RCC1L: variants seen among roughly 807,000 people sequenced by gnomAD.
RCC1L encodes the protein RCC1-like G exchanging factor-like protein.
In RCC1L, 46 loss-of-function variants were observed where a neutral mutation model predicts 58.6. The ratio of observed to expected loss-of-function variants is 0.79; its 90% CI spans 0.62 to 1.00. The LOEUF (loss-of-function observed/expected upper bound fraction) is 1.00, where lower values mean the gene tolerates loss of function less well. RCC1L is among the 50% of genes least tolerant of loss of function. RCC1L has a pLI of 0.00. For missense variants in RCC1L, 636 were observed against 623.6 expected (o/e 1.02, Z -0.21); for synonymous variants, 281 against 262.9 (o/e 1.07, Z -0.67).
At chr7:75,039,289 T>C (rs1209506386), downstream of RCC1L, among the ~76,000 whole-genome samples, 3 of 152,258 alleles carry the variant, frequency 2.0e-5, no homozygotes, top group South Asian at 2.1e-4. Flanking sequence ...CACTGGGCAC[T>C]TGGCCTCAGA....
At chr7:75,027,792 C>T (rs1805179731) in exon 11 of RCC1L, 4 of 562,250 alleles carry the variant, frequency 7.1e-6, no homozygotes, top group South Asian at 2.0e-5. Context: ...ATCTTCTCGG[C>T]GTTCTGTGTG....
chr7:75,033,989 G>A (rs1805375983), intron 10 of RCC1L, among the ~76,000 whole-genome samples: 4 of 152,222 alleles, frequency 2.6e-5, no homozygotes, highest in African/African-American at 9.7e-5. Context: ...GGGCAGGGGA[G>A]GGAGTGTCAG....
intron 2 of RCC1L, 72 bp downstream of exon 2, chr7:75,070,568 T>C: frequency 6.4e-7 from 1 of 1,573,600 alleles, no homozygotes; most frequent in East Asian, 2.3e-5. Context: ...AGACTCTGTC[T>C]CAAAAAAAAT....
intron 5 of RCC1L, among the ~76,000 whole-genome samples, chr7:75,062,918 C>A (rs980897040): frequency 2.6e-5 from 4 of 152,150 alleles, no homozygotes; most frequent in African/African-American, 9.7e-5. Flanking sequence ...TGTGCCTCAG[C>A]CTCCTGAGTA....
chr7:75,043,969 T>C (rs1805640367), intron 10 of RCC1L, among the ~76,000 whole-genome samples: 1 of 152,184 alleles, frequency 6.6e-6, no homozygotes, highest in South Asian at 2.1e-4. Flanking sequence ...GCAGGGGCAG[T>C]GGCTGTGTCT....
At chr7:75,051,070 A>C (rs1805888077) in intron 10 of RCC1L, among the ~76,000 whole-genome samples, 1 of 151,884 alleles carries the variant, frequency 6.6e-6, no homozygotes, top group African/African-American at 2.4e-5. Context: ...ATCCAGCCTG[A>C]GTGATAAAAG....
At chr7:75,027,613 T>G (rs1170983712) in exon 11 of RCC1L, 1 of 200,270 alleles carries the variant, frequency 5.0e-6, no homozygotes, top group Non-Finnish European at 1.0e-5. Flanking sequence ...AGCATGTGTG[T>G]CGGGGCGCGC....
chr7:75,047,646 T>TTA (rs1277507537), intron 10 of RCC1L, among the ~76,000 whole-genome samples: 12,962 of 151,366 alleles, frequency 0.086, 679 homozygotes, highest in South Asian at 0.13. Flanking sequence ...ATAAATAAAA[T>TTA]TATATATATA....
chr7:75,058,836 T>G, intron 6 of RCC1L, 67 bp from the exon 7 acceptor site: 10 of 1,596,942 alleles, frequency 6.3e-6, no homozygotes, highest in Non-Finnish European at 8.6e-6. Context: ...GCAGACTTAC[T>G]ATATGCCAAG....
At chr7:75,073,332 C>A (rs1806834707) in intron 1 of RCC1L, 82 bp downstream of exon 1, 1 of 631,664 alleles carries the variant, frequency 1.6e-6, no homozygotes, top group Non-Finnish European at 2.4e-6. Flanking sequence ...GAGCCAACTT[C>A]TTGAAGAGAG....
At chr7:75,031,254 C>T (rs1413412105) in intron 10 of RCC1L, among the ~76,000 whole-genome samples, 1 of 152,112 alleles carries the variant, frequency 6.6e-6, no homozygotes, top group Non-Finnish European at 1.5e-5. Flanking sequence ...CAGGGGACTT[C>T]CTGCCCACAA....
chr7:75,039,625 G>C (rs969175738), downstream of RCC1L, among the ~76,000 whole-genome samples: 41 of 152,216 alleles, frequency 2.7e-4, no homozygotes, highest in East Asian at 1.9e-3. Flanking sequence ...GAGGGAGATG[G>C]GGGGGAGGCC....
Position 75,042,872 on chromosome 7 carries a change from G to C in RCC1L, c.*160C>G. On this transcript the variant is annotated 3_prime_UTR_variant, in exon 11 of 11. Coordinates refer to ENST00000610322, the MANE Select transcript of RCC1L (RefSeq NM_030798.5). ...AGAGGGACCTTGCCCTGATCCTCCT[G>C]GTAGGTACCCGCTAAGGGATTCAGG... 1 of 1,471,476 alleles carries C rather than the reference G, an allele frequency of 6.8e-7. No homozygotes were observed. Among genetic ancestry groups the C allele is most frequent in the Non-Finnish European group, 9.0e-7 (1 of 1,105,266 alleles). 91.2% of individuals were successfully genotyped at this position (1,471,476 alleles called of 1,614,324 possible).
chr7:75,049,281 C>T (rs1439609373), intron 10 of RCC1L, among the ~76,000 whole-genome samples: 7 of 149,576 alleles, frequency 4.7e-5, no homozygotes, highest in African/African-American at 1.0e-4. Context: ...GGTGGGAAGA[C>T]CACTTGAGGC....
At chr7:75,072,973 C>T (rs1337243977) in intron 1 of RCC1L, among the ~76,000 whole-genome samples, 2 of 152,230 alleles carry the variant, frequency 1.3e-5, no homozygotes, top group Non-Finnish European at 2.9e-5. Context: ...AATCCCCTTT[C>T]TGAGTTGTTC....
At chr7:75,057,475 C>G (rs1806117589) in intron 8 of RCC1L, 54 bp downstream of exon 8, 2 of 1,574,838 alleles carry the variant, frequency 1.3e-6, no homozygotes, top group Non-Finnish European at 1.7e-6. Context: ...ACTGACCACT[C>G]CCTATGTAAT....
chr7:75,073,774 C>T lies in RCC1L; in HGVS notation c.-37G>A, dbSNP rs1317240098. ...CGCCTCAGCAGCCTCTGGGCGCCGC[C>T]ATCTTGCGTGACCCTTAACACCAGT... On this transcript the variant is annotated 5_prime_UTR_variant, in exon 1 of 11. An upstream start codon of the reference 5' UTR is lost. Coordinates refer to ENST00000610322, the MANE Select transcript of RCC1L (RefSeq NM_030798.5). The T allele has an allele frequency of 1.3e-6, 2 of 1,493,482 alleles. No homozygotes were observed. Among genetic ancestry groups the T allele is most frequent in the Admixed American group, 2.3e-5 (1 of 43,482 alleles). 92.5% of individuals were successfully genotyped at this position (1,493,482 alleles called of 1,614,324 possible).
chr7:75,045,978 G>C (rs1401648627), intron 10 of RCC1L, among the ~76,000 whole-genome samples: 1 of 152,244 alleles, frequency 6.6e-6, no homozygotes, highest in Non-Finnish European at 1.5e-5. Context: ...CTGGAAAGGG[G>C]ATCTGTCACA....
chr7:75,057,883 T>A, intron 7 of RCC1L: 1 of 469,030 alleles, frequency 2.1e-6, no homozygotes, highest in Non-Finnish European at 4.0e-6. Flanking sequence ...TGTGGCCGGG[T>A]GTGGTGGCTC....
Sources: allele counts gnomAD v4.1 joint callset (sites outside exome capture counted in the v4.1 genomes callset), GRCh38; gene constraint gnomAD v4.1.1; transcripts MANE v1.5; gene names NCBI Gene and HGNC (gene_info 2026-07-23, HGNC 2026-07-21).